The following DPP6 variants were observed in gnomAD, a reference collection of about 807,000 sequenced individuals.
The protein encoded by DPP6 is dipeptidyl peptidase like 6, also known as A-type potassium channel modulatory protein DPP6.
A neutral mutation model predicts 122.6 loss-of-function variants in DPP6; 69 were observed. That is an observed-to-expected ratio of 0.56 (90% CI 0.46 to 0.69). The LOEUF is 0.69. Among genes scored for constraint, DPP6 ranks in the 30% least tolerant of loss-of-function variants. The pLI, the probability that DPP6 is intolerant of heterozygous loss-of-function variation, is 0.00. For synonymous variants in DPP6, 418 were observed against 433.1 expected, an observed-to-expected ratio of 0.97 and a Z score of 0.43; for missense variants, 928 against 1,116.9, an observed-to-expected ratio of 0.83 and a Z score of 2.41.
chr7:154,281,023 A>ATTTATTTATTTT, intron 1 of DPP6, among the ~76,000 whole-genome samples: 1 of 136,242 alleles, frequency 7.3e-6, no homozygotes, highest in African/African-American at 2.6e-5. Flanking sequence ...TTATTTATTT[A>ATTTATTTATTTT]TTTTTTGGAG....
At chr7:154,547,711 T>TC (rs1829309195) in intron 4 of DPP6, among the ~76,000 whole-genome samples, 1 of 152,162 alleles carries the variant, frequency 6.6e-6, no homozygotes, top group African/African-American at 2.4e-5. Flanking sequence ...ATCCTCTTTG[T>TC]CCCCCTATGT....
chr7:154,850,555 G>A (rs1419416673), intron 16 of DPP6, among the ~76,000 whole-genome samples: 2 of 152,208 alleles, frequency 1.3e-5, no homozygotes, highest in African/African-American at 4.8e-5. Context: ...CTAAATGTTG[G>A]TAGGATTCAG....
chr7:154,017,165 A>G (rs2907747), intron 1 of DPP6, among the ~76,000 whole-genome samples: 1 of 152,094 alleles, frequency 6.6e-6, no homozygotes, highest in Non-Finnish European at 1.5e-5. Flanking sequence ...CCTCCTAAAC[A>G]CAAGTGTTCC....
At chr7:153,907,801 A>C (rs1799910947) in intron 1 of DPP6, among the ~76,000 whole-genome samples, 1 of 152,190 alleles carries the variant, frequency 6.6e-6, no homozygotes, top group South Asian at 2.1e-4. Flanking sequence ...TCCTATAATC[A>C]CATGAGCTCA....
intron 1 of DPP6, among the ~76,000 whole-genome samples, chr7:154,417,578 G>T (rs1227560589): frequency 6.6e-6 from 1 of 152,072 alleles, no homozygotes; most frequent in South Asian, 2.1e-4. Context: ...GCTCCCAGAA[G>T]CGAAGAGATG....
At chr7:154,494,818 A>T (rs1177225716) in intron 3 of DPP6, among the ~76,000 whole-genome samples, 2 of 152,212 alleles carry the variant, frequency 1.3e-5, no homozygotes, top group Non-Finnish European at 1.5e-5. Flanking sequence ...AATTGAAAAA[A>T]TGGTATAAAA....
intron 6 of DPP6, among the ~76,000 whole-genome samples, chr7:154,666,109 A>G (rs1204770955): frequency 6.6e-6 from 1 of 150,868 alleles, no homozygotes; most frequent in African/African-American, 2.5e-5. Flanking sequence ...AAAAGACTCG[A>G]TTCATATATA....
Position 153,970,278 on chromosome 7 carries a change from GTATT to G in DPP6, c.51+82550_51+82553del, listed in dbSNP as rs527487116. 8.5e-5 allele frequency among the ~76,000 whole-genome samples: 13 copies of G among 152,268 alleles called. No individual in the cohort carries two copies. The East Asian group carries it at 1.9e-3, about 23-fold the overall frequency. On this transcript the variant is annotated intron_variant, in intron 1 of 25. Coordinates refer to the DPP6 transcript ENST00000404039. ...TGACAAATGATGAGTATCTTTTTGT[GTATT>G]TATTTGCCACCTGTAACTTCACTGA... is the stretch of plus-strand genomic sequence containing the variant.
At chr7:154,004,491 C>A (rs371972491) in intron 1 of DPP6, among the ~76,000 whole-genome samples, 2 of 151,226 alleles carry the variant, frequency 1.3e-5, no homozygotes, top group South Asian at 4.2e-4. Context: ...TGGAAACTCT[C>A]GATGAAGGAA....
At chr7:154,791,907 T>A (rs916027692) in intron 10 of DPP6, among the ~76,000 whole-genome samples, 1 of 152,252 alleles carries the variant, frequency 6.6e-6, no homozygotes, top group Non-Finnish European at 1.5e-5. Flanking sequence ...CATCTCATTT[T>A]CATTTATAAC....
rs77688150 is a variant in DPP6, at chr7:154,251,490, A to T, written c.244-194724A>T. Among the ~76,000 whole-genome samples, 634 of 152,310 alleles carry T rather than the reference A, an allele frequency of 4.2e-3. 5 individuals are homozygous for T. Among genetic ancestry groups the T allele is most frequent in the African/African-American group, 0.015 (616 of 41,570 alleles). On this transcript the variant is annotated intron_variant, in intron 1 of 25. Coordinates refer to ENST00000377770, the MANE Select transcript of DPP6 (RefSeq NM_130797.4). ...CTAATAGGATATATGCATATATAAA[A>T]GGGAGTTAATTAAGGAGAACTGACT...
intron 1 of DPP6, among the ~76,000 whole-genome samples, chr7:154,308,921 A>G (rs1226920783): frequency 6.6e-6 from 1 of 152,186 alleles, no homozygotes; most frequent in Non-Finnish European, 1.5e-5. Flanking sequence ...TTCCTAGCAT[A>G]TTGTGTGCAT....
chr7:154,836,007 T>G (rs1019265776), intron 16 of DPP6, among the ~76,000 whole-genome samples: 1 of 152,228 alleles, frequency 6.6e-6, no homozygotes, highest in African/African-American at 2.4e-5. Flanking sequence ...CAGTGGGCCC[T>G]GTAATGAGCA....
intron 3 of DPP6, among the ~76,000 whole-genome samples, chr7:154,490,882 C>T (rs1456419034): frequency 6.6e-6 from 1 of 152,130 alleles, no homozygotes; most frequent in Non-Finnish European, 1.5e-5. Flanking sequence ...AGGAATGAAG[C>T]TTTATAAGTC....
intron 1 of DPP6, among the ~76,000 whole-genome samples, chr7:153,958,386 A>G (rs1350341909): frequency 6.6e-6 from 1 of 152,108 alleles, no homozygotes; most frequent in Non-Finnish European, 1.5e-5. Context: ...GGAGGACCCC[A>G]TGCAGGAGCT....
At chr7:154,775,306 T>A (rs1476603660) in intron 10 of DPP6, among the ~76,000 whole-genome samples, 1 of 152,092 alleles carries the variant, frequency 6.6e-6, no homozygotes, top group Non-Finnish European at 1.5e-5. Context: ...GAAAGTTAGA[T>A]GAGATAAGGC....
chr7:154,204,783 T>TTGTG lies in DPP6; in HGVS notation c.243+151732_243+151735dup, dbSNP rs71182884. ...ACTGCTCTTAACTAGCTTGATGACCTTGTGTGTGTGTGTGTCTGTACGTGT... is the reference window on the plus strand; with the variant it reads ...ACTGCTCTTAACTAGCTTGATGACCTTGTGTGTGTGTGTGTGTGTCTGTACGTGT... On this transcript the variant is annotated intron_variant, in intron 1 of 25. Transcript: ENST00000377770. Among the ~76,000 whole-genome samples the TTGTG allele has an allele frequency of 6.0e-4, 90 of 150,778 alleles. 1 individual carries two copies. The East Asian group carries it at 0.012, about 19-fold the overall frequency.
At chr7:154,340,819 G>A (rs1214997863) in intron 1 of DPP6, among the ~76,000 whole-genome samples, 2 of 152,178 alleles carry the variant, frequency 1.3e-5, no homozygotes, top group Non-Finnish European at 2.9e-5. Context: ...GGCTTGAGCA[G>A]CTAAAACCAC....
chr7:154,451,086 G>A lies in DPP6; in HGVS notation c.358+4758G>A, dbSNP rs557240436. ...TGTCACTCAAGAGTGGAATAAGGCCGGTGTGGTGGCTCATGCCTGTAATCC... is the reference window on the plus strand; with the variant it reads ...TGTCACTCAAGAGTGGAATAAGGCCAGTGTGGTGGCTCATGCCTGTAATCC... On this transcript the variant is annotated intron_variant, in intron 2 of 25. Coordinates refer to ENST00000377770, the MANE Select transcript of DPP6 (RefSeq NM_130797.4). 2.4e-3 allele frequency among the ~76,000 whole-genome samples: 366 copies of A among 152,206 alleles called. 3 individuals are homozygous for A. The highest frequency in any genetic ancestry group is 8.4e-3 in the African/African-American group (351 of 41,554).
Sources: allele counts gnomAD v4.1 joint callset (sites outside exome capture counted in the v4.1 genomes callset), GRCh38; gene constraint gnomAD v4.1.1; transcripts MANE v1.5; gene names NCBI Gene and HGNC (gene_info 2026-07-23, HGNC 2026-07-21).